Variants in KDM3B observed in about 807,000 individuals in gnomAD.
KDM3B encodes lysine-specific demethylase 3B.
In KDM3B, 10 loss-of-function variants were observed where a neutral mutation model predicts 170.0. The ratio of observed to expected loss-of-function variants is 0.06; its 90% CI spans 0.04 to 0.10. KDM3B has a LOEUF of 0.10. KDM3B is among the 10% of genes least tolerant of loss of function. KDM3B has a pLI of 1.00. For synonymous variants in KDM3B, 831 were observed against 834.8 expected (o/e 1.00, Z 0.08); for missense variants, 1,394 against 2,195.2 (o/e 0.64, Z 7.29).
intron 20 of KDM3B, among the ~76,000 whole-genome samples, chr5:138,428,419 C>A (rs1395258013): frequency 6.6e-6 from 1 of 152,184 alleles, no homozygotes; most frequent in African/African-American, 2.4e-5. Context: ...CCATGTTGGC[C>A]AGGCTGGTCT....
At chr5:138,358,087 T>G (rs948628990) in intron 1 of KDM3B, among the ~76,000 whole-genome samples, 2 of 150,754 alleles carry the variant, frequency 1.3e-5, no homozygotes, top group African/African-American at 2.4e-5. Flanking sequence ...AACCTCTGCC[T>G]CCTGGGTTCA....
intron 22 of KDM3B, among the ~76,000 whole-genome samples, chr5:138,431,144 C>T (rs926884654): frequency 1.1e-4 from 17 of 151,196 alleles, no homozygotes; most frequent in African/African-American, 4.1e-4. Context: ...GACGGGGTTT[C>T]GCCATATCAC....
chr5:138,380,930 A>G (rs1251837361), intron 5 of KDM3B, among the ~76,000 whole-genome samples: 1 of 151,016 alleles, frequency 6.6e-6, no homozygotes, highest in Non-Finnish European at 1.5e-5. Flanking sequence ...GCTGGAGTGC[A>G]ATGGCACGAT....
At chr5:138,387,882 C>G (rs1220958638) in intron 7 of KDM3B, among the ~76,000 whole-genome samples, 2 of 152,094 alleles carry the variant, frequency 1.3e-5, no homozygotes, top group Non-Finnish European at 2.9e-5. Context: ...GAGATCAAGA[C>G]CATCCTGGCT....
intron 23 of KDM3B, 111 bp from the exon 24 acceptor site, chr5:138,435,509 G>T (rs1194222733): frequency 2.7e-6 from 2 of 752,958 alleles, no homozygotes; most frequent in Non-Finnish European, 4.6e-6. Flanking sequence ...ATACAGGAAC[G>T]CACAGTCCTT....
intron 6 of KDM3B, 119 bp downstream of exon 6, chr5:138,381,709 T>G: frequency 1.6e-6 from 1 of 641,958 alleles, no homozygotes; most frequent in South Asian, 2.1e-5. Flanking sequence ...CTTTAGCCAC[T>G]GTACATTTTT....
chr5:138,372,620 A>G (rs933413823), intron 1 of KDM3B, 54 bp from the exon 2 acceptor site: 2 of 1,447,966 alleles, frequency 1.4e-6, no homozygotes, highest in Non-Finnish European at 9.6e-7. Context: ...ATTTATAAGT[A>G]TAGTGTGAGA....
intron 9 of KDM3B, 84 bp from the exon 10 acceptor site, chr5:138,398,094 T>A (rs1163290984): frequency 2.0e-6 from 2 of 1,012,912 alleles, no homozygotes; most frequent in East Asian, 4.8e-5. Flanking sequence ...TGTCTCATTT[T>A]ACTTCTGTTT....
intron 14 of KDM3B, among the ~76,000 whole-genome samples, chr5:138,419,668 A>T (rs28434349): frequency 0.3 from 32,862 of 109,060 alleles, 5,828 homozygotes; most frequent in Non-Finnish European, 0.35. Context: ...AAAAAAAAAA[A>T]ATATATATAT....
chr5:138,419,836 G>A (rs1396843247), intron 14 of KDM3B, among the ~76,000 whole-genome samples: 2 of 151,010 alleles, frequency 1.3e-5, no homozygotes, highest in African/African-American at 4.9e-5. Flanking sequence ...AGATGCCTGG[G>A]CCCTACCCTG....
chr5:138,402,732 G>C (rs1351456926), intron 11 of KDM3B, among the ~76,000 whole-genome samples: 1 of 152,208 alleles, frequency 6.6e-6, no homozygotes, highest in Admixed American at 6.5e-5. Context: ...ACATGGGACT[G>C]TTATCTCTAA....
chr5:138,421,559 C>G (rs1763274249), intron 15 of KDM3B, among the ~76,000 whole-genome samples: 1 of 152,224 alleles, frequency 6.6e-6, no homozygotes, highest in Non-Finnish European at 1.5e-5. Context: ...GAGCCAACAT[C>G]TTGCCTAAGT....
chr5:138,431,278 T>G, intron 22 of KDM3B, 147 bp from the exon 23 acceptor site: 1 of 648,116 alleles, frequency 1.5e-6, no homozygotes, highest in Non-Finnish European at 2.4e-6. Context: ...TTTATACATT[T>G]GCACTTACAG....
chr5:138,379,176 T>C (rs1762069085), intron 4 of KDM3B, among the ~76,000 whole-genome samples: 1 of 152,130 alleles, frequency 6.6e-6, no homozygotes, highest in African/African-American at 2.4e-5. Context: ...TAACAGCACT[T>C]TCAACTTAGT....
At chr5:138,387,343 T>C (rs1296857820) in intron 7 of KDM3B, among the ~76,000 whole-genome samples, 2 of 152,182 alleles carry the variant, frequency 1.3e-5, no homozygotes, top group African/African-American at 4.8e-5. Flanking sequence ...TGATTTATGG[T>C]GCTAGTCATC....
At chr5:138,400,101 G>T in intron 11 of KDM3B, 89 bp downstream of exon 11, 1 of 1,315,448 alleles carries the variant, frequency 7.6e-7, no homozygotes, top group Non-Finnish European at 1.1e-6. Context: ...GCAGGAATGG[G>T]CTTATGCCTC....
intron 7 of KDM3B, among the ~76,000 whole-genome samples, chr5:138,389,044 A>G (rs1762355615): frequency 6.6e-6 from 1 of 152,238 alleles, no homozygotes; most frequent in South Asian, 2.1e-4. Flanking sequence ...TAACTTTAGG[A>G]GTGAAACATG....
intron 6 of KDM3B, among the ~76,000 whole-genome samples, chr5:138,385,762 T>A (rs1382796142): frequency 1.3e-5 from 2 of 152,238 alleles, no homozygotes; most frequent in Non-Finnish European, 2.9e-5. Flanking sequence ...AGAAGTCCAT[T>A]TAAGGCAGTG....
intron 11 of KDM3B, among the ~76,000 whole-genome samples, chr5:138,404,348 C>T (rs1198375426): frequency 1.3e-5 from 2 of 152,066 alleles, no homozygotes; most frequent in Non-Finnish European, 2.9e-5. Flanking sequence ...ACAGGCTGGC[C>T]GGGCGCCATG....
Sources: gnomAD v4.1 joint callset for allele counts (sites outside exome capture counted in the v4.1 genomes callset) on GRCh38, gnomAD v4.1.1 for gene constraint, MANE v1.5 for transcripts, NCBI Gene and HGNC (gene_info 2026-07-23, HGNC 2026-07-21) for gene names.